LIMCH1: variants seen among roughly 807,000 people sequenced by gnomAD.
LIMCH1 encodes the protein LIM and calponin homology domains 1, also known as LIM and calponin homology domains-containing protein 1.
In LIMCH1, 113 loss-of-function variants were observed where a neutral mutation model predicts 176.5. That is an observed-to-expected ratio of 0.64 (90% CI 0.55 to 0.75). The LOEUF is 0.75. Among genes scored for constraint, LIMCH1 ranks in the 30% least tolerant of loss-of-function variants. LIMCH1 has a pLI of 0.00. For missense variants in LIMCH1, 1,674 were observed against 1,814.9 expected (o/e 0.92, Z 1.41); for synonymous variants, 619 against 645.9 (o/e 0.96, Z 0.63).
At chr4:41,436,041 T>C (rs2062044934) in intron 1 of LIMCH1, among the ~76,000 whole-genome samples, 1 of 152,222 alleles carries the variant, frequency 6.6e-6, no homozygotes, top group Non-Finnish European at 1.5e-5. Context: ...CAGGCACTTT[T>C]CAATTCATTT....
At chr4:41,684,568 C>T (rs1302781648) in intron 27 of LIMCH1, 50 bp downstream of exon 27, 4 of 1,597,304 alleles carry the variant, frequency 2.5e-6, no homozygotes, top group Non-Finnish European at 3.4e-6. Flanking sequence ...TGTTGTAAGA[C>T]CCCCACATTG....
In LIMCH1 at chr4:41,690,803, A is replaced by T. The variant is rs1190336182; in HGVS notation, c.4275+1168A>T. Among the ~76,000 whole-genome samples, 3 of 152,236 alleles carry T rather than the reference A, an allele frequency of 2.0e-5. No individual in the cohort carries two copies. In the East Asian group the frequency reaches 5.8e-4, roughly 29 times the overall value. On this transcript the variant is annotated intron_variant, in intron 30 of 31. Coordinates refer to ENST00000503057, the MANE Select transcript of LIMCH1 (RefSeq NM_001330672.2). ...ATTTTAGATTTCATTTATCAAAAGT[A>T]TTAGAATGAGACCAGAGTTTCCTAA...
chr4:41,652,258 T>C (rs955348794), intron 18 of LIMCH1, among the ~76,000 whole-genome samples: 23 of 152,264 alleles, frequency 1.5e-4, no homozygotes, highest in Admixed American at 1.2e-3. Context: ...ATTTTTTTTT[T>C]CAGAGGAGTT....
intron 1 of LIMCH1, among the ~76,000 whole-genome samples, chr4:41,543,996 CT>C (rs1240109805): frequency 2.0e-5 from 3 of 152,118 alleles, no homozygotes; most frequent in African/African-American, 7.2e-5. Flanking sequence ...TGAAATTCAA[CT>C]TTTTCACCTA....
intron 7 of LIMCH1, 50 bp from the exon 8 acceptor site, chr4:41,626,657 AT>A (rs1416728139): frequency 4.1e-5 from 59 of 1,442,404 alleles, no homozygotes; most frequent in Middle Eastern, 1.7e-4. Flanking sequence ...TGGAGATTTA[AT>A]TTTTTTTGTC....
chr4:41,442,350 A>G (rs4602527), intron 1 of LIMCH1, among the ~76,000 whole-genome samples: 19,484 of 152,178 alleles, frequency 0.13, 3,749 homozygotes, highest in African/African-American at 0.41. Context: ...AAGGACAGAT[A>G]GACTGGAACA....
chr4:41,496,075 G>T (rs1383270544), intron 2 of LIMCH1, among the ~76,000 whole-genome samples: 42 of 152,174 alleles, frequency 2.8e-4, no homozygotes, highest in Admixed American at 2.7e-3. Context: ...TCTACCACTT[G>T]CTTTTCCCAT....
In LIMCH1 at chr4:41,621,058, C is replaced by T. The variant is rs574234372; in HGVS notation, c.725+368C>T. 9.2e-5 allele frequency among the ~76,000 whole-genome samples: 14 copies of T among 152,326 alleles called. No homozygotes were observed. In the South Asian group the frequency reaches 2.9e-3, roughly 32 times the overall value. ...CTACTCCTAAATGGCTCATATCTTA[C>T]TTTACACATCACTAGAAAAATAGTC... On this transcript the variant is annotated intron_variant, in intron 7 of 31. Transcript: ENST00000503057.
intron 1 of LIMCH1, among the ~76,000 whole-genome samples, chr4:41,457,710 T>G (rs1046086337): frequency 1.3e-5 from 2 of 152,170 alleles, no homozygotes; most frequent in Non-Finnish European, 2.9e-5. Flanking sequence ...GACAAAGCCA[T>G]GGCCTTTGAC....
In LIMCH1 at chr4:41,697,235, C is replaced by T. The variant is rs116565093; in HGVS notation, c.*50C>T. The T allele has an allele frequency of 2.0e-5, 32 of 1,564,602 alleles. No individual in the cohort carries two copies. In the African/African-American group the frequency reaches 3.7e-4, roughly 18 times the overall value. On this transcript the variant is annotated 3_prime_UTR_variant, in exon 32 of 32. Coordinates refer to ENST00000503057, the MANE Select transcript of LIMCH1 (RefSeq NM_001330672.2). ...CTCACCATTTCTTTACTGAGAGTGT[C>T]CCCTGGCAACTGCTTAACAAAATCC...
chr4:41,631,549 C>T (rs781022200), intron 10 of LIMCH1, 72 bp downstream of exon 10: 24 of 1,229,880 alleles, frequency 2.0e-5, no homozygotes, highest in Non-Finnish European at 2.6e-5. Context: ...TTTGCTGAAG[C>T]ACATTATACA....
At chr4:41,480,713 T>C in intron 1 of LIMCH1, among the ~76,000 whole-genome samples, 1 of 152,148 alleles carries the variant, frequency 6.6e-6, no homozygotes, top group East Asian at 1.9e-4. Context: ...AGGCAACCCA[T>C]GTAGCCTACG....
At chr4:41,685,855 TG>T (rs1332966621) in intron 28 of LIMCH1, 25 bp downstream of exon 28, 3 of 1,598,852 alleles carry the variant, frequency 1.9e-6, no homozygotes, top group Non-Finnish European at 2.6e-6. Flanking sequence ...ACGATGGTTG[TG>T]GGATTCCCTT....
At chr4:41,467,730 C>G (rs544288151) in intron 1 of LIMCH1, among the ~76,000 whole-genome samples, 1 of 152,222 alleles carries the variant, frequency 6.6e-6, no homozygotes, top group South Asian at 2.1e-4. Flanking sequence ...GCACATGGTC[C>G]TTATTATTTT....
At chr4:41,671,850 A>G (rs1408659768) in intron 22 of LIMCH1, among the ~76,000 whole-genome samples, 5 of 137,026 alleles carry the variant, frequency 3.6e-5, no homozygotes, top group Non-Finnish European at 6.1e-5. Flanking sequence ...GTGTCACTGC[A>G]CTCCAGTCTG....
intron 1 of LIMCH1, among the ~76,000 whole-genome samples, chr4:41,444,313 TAC>T (rs71198657): frequency 0.36 from 48,308 of 133,682 alleles, 8,625 homozygotes; most frequent in Non-Finnish European, 0.43. Context: ...TGTATATATA[TAC>T]ACACACACAC....
At chr4:41,479,620 CA>C (rs1015624092) in intron 1 of LIMCH1, among the ~76,000 whole-genome samples, 39 of 152,154 alleles carry the variant, frequency 2.6e-4, no homozygotes, top group African/African-American at 9.4e-4. Context: ...TAGCTTTCCC[CA>C]AATGTGCCCA....
chr4:41,409,104 T>G (rs1021754937), intron 1 of LIMCH1, among the ~76,000 whole-genome samples: 1 of 152,220 alleles, frequency 6.6e-6, no homozygotes, highest in South Asian at 2.1e-4. Flanking sequence ...GAGGACTTTT[T>G]ATTACATAAG....
chr4:41,609,448 AGGGTGGT>A (rs1447793787), intron 4 of LIMCH1, among the ~76,000 whole-genome samples: 1 of 152,126 alleles, frequency 6.6e-6, no homozygotes, highest in Non-Finnish European at 1.5e-5. Context: ...CCACAACCAG[AGGGTGGT>A]GGGTGGAGAG....
Sources: gnomAD v4.1 joint callset for allele counts (sites outside exome capture counted in the v4.1 genomes callset) on GRCh38, gnomAD v4.1.1 for gene constraint, MANE v1.5 for transcripts, NCBI Gene and HGNC (gene_info 2026-07-23, HGNC 2026-07-21) for gene names.